Variants in DNAJC6 observed in about 807,000 individuals in gnomAD.
DNAJC6 encodes auxilin.
A neutral mutation model predicts 110.0 loss-of-function variants in DNAJC6; 34 were observed. The ratio of observed to expected loss-of-function variants is 0.31; its 90% CI spans 0.24 to 0.41. The LOEUF is 0.41. Among genes scored for constraint, DNAJC6 ranks in the 10% least tolerant of loss-of-function variants. DNAJC6 has a pLI of 1.00. For missense variants in DNAJC6, 1,031 were observed against 1,207.8 expected, an observed-to-expected ratio of 0.85 and a Z score of 2.17; for synonymous variants, 406 against 437.2, an observed-to-expected ratio of 0.93 and a Z score of 0.89.
rs1371268049 is a variant in DNAJC6 at position 65,368,772 on chromosome 1, C to CCCCTT, written c.543+2594_543+2598dup. Among the ~76,000 whole-genome samples the CCCCTT allele has an allele frequency of 7.0e-5, 8 of 114,068 alleles. No individual in the cohort carries two copies. In the East Asian group the frequency reaches 8.4e-4, roughly 12 times the overall value. The allele number at this position is 114,068 out of a possible 152,430, so 74.8% of individuals were successfully genotyped here. The stretch of plus-strand genomic sequence containing the variant: ...TCCCCTCCCTTCTCTTCCCTCCCCT[C>CCCCTT]CCCTTCCCTTCCCTTCCCTTCCAAA... On this transcript the variant is annotated intron_variant, in intron 4 of 18. Coordinates refer to ENST00000371069, the MANE Select transcript of DNAJC6 (RefSeq NM_001256864.2).
At chr1:65,405,349 C>T (rs1168503988) in intron 15 of DNAJC6, among the ~76,000 whole-genome samples, 2 of 152,198 alleles carry the variant, frequency 1.3e-5, no homozygotes, top group Non-Finnish European at 2.9e-5. Flanking sequence ...TACTCTTGGG[C>T]ACTAACCATG....
At chr1:65,280,935 C>T (rs1305312533) in intron 1 of DNAJC6, among the ~76,000 whole-genome samples, 3 of 152,044 alleles carry the variant, frequency 2.0e-5, no homozygotes, top group Non-Finnish European at 4.4e-5. Context: ...TTTCACGTTT[C>T]AAATTTTATT....
chr1:65,291,253 G>A (rs1476382210), intron 1 of DNAJC6, among the ~76,000 whole-genome samples: 2 of 152,072 alleles, frequency 1.3e-5, no homozygotes, highest in African/African-American at 4.8e-5. Context: ...GGCTGGTCTC[G>A]AACTCCTGAA....
chr1:65,333,561 C>T (rs954662902), intron 1 of DNAJC6, among the ~76,000 whole-genome samples: 1 of 152,026 alleles, frequency 6.6e-6, no homozygotes, highest in Non-Finnish European at 1.5e-5. Context: ...GTGACAGCAT[C>T]GGGATTCCAA....
chr1:65,347,462 T>G (rs978324427), intron 1 of DNAJC6, among the ~76,000 whole-genome samples: 1 of 152,082 alleles, frequency 6.6e-6, no homozygotes, highest in African/African-American at 2.4e-5. Flanking sequence ...GCCATTTGGT[T>G]TCTTTCTGAT....
At chr1:65,377,215 TG>T (rs1241593745) in intron 4 of DNAJC6, among the ~76,000 whole-genome samples, 1 of 152,236 alleles carries the variant, frequency 6.6e-6, no homozygotes, top group African/African-American at 2.4e-5. Flanking sequence ...ATCTTGAACC[TG>T]GGTTTTAAAA....
At chr1:65,366,330 A>G (rs993043874) in intron 4 of DNAJC6, 134 bp downstream of exon 4, 6 of 949,612 alleles carry the variant, frequency 6.3e-6, no homozygotes, top group Non-Finnish European at 9.4e-6. Context: ...TTCTGTTCAC[A>G]AAATATTTAT....
chr1:65,338,879 C>T lies in DNAJC6; in HGVS notation c.194-25756C>T, dbSNP rs1180753523. On this transcript the variant is annotated intron_variant, in intron 1 of 18. Coordinates refer to ENST00000371069, the MANE Select transcript of DNAJC6 (RefSeq NM_001256864.2). ...GACTGATAGAATTGAACCACCTGGC[C>T]CCGAGTGCCCTTCTTTCCATGTGGC... Among the ~76,000 whole-genome samples, 3 of 152,108 alleles carry T rather than the reference C, an allele frequency of 2.0e-5. No individual in the cohort carries two copies. The East Asian group carries it at 5.8e-4, about 29-fold the overall frequency.
At chr1:65,366,718 A>G (rs563395273) in intron 4 of DNAJC6, among the ~76,000 whole-genome samples, 1 of 152,282 alleles carries the variant, frequency 6.6e-6, no homozygotes, top group East Asian at 1.9e-4. Context: ...TCTGATATCG[A>G]GCCTGATATT....
At chr1:65,316,752 G>A (rs1645152431) in intron 1 of DNAJC6, among the ~76,000 whole-genome samples, 1 of 152,150 alleles carries the variant, frequency 6.6e-6, no homozygotes, top group East Asian at 1.9e-4. Flanking sequence ...ATTCAGTAAT[G>A]AGCATTTTTT....
At chr1:65,297,184 C>G (rs1262417629) in intron 1 of DNAJC6, among the ~76,000 whole-genome samples, 1 of 152,054 alleles carries the variant, frequency 6.6e-6, no homozygotes, top group Non-Finnish European at 1.5e-5. Flanking sequence ...CAACAAAGCT[C>G]TTTGTCTGGA....
intron 1 of DNAJC6, among the ~76,000 whole-genome samples, chr1:65,329,753 C>T (rs932565293): frequency 6.6e-6 from 1 of 152,160 alleles, no homozygotes; most frequent in African/African-American, 2.4e-5. Flanking sequence ...CCTCTAGGGA[C>T]CTGTATCCAA....
intron 1 of DNAJC6, among the ~76,000 whole-genome samples, chr1:65,265,220 C>G (rs1407811424): frequency 6.6e-6 from 1 of 152,120 alleles, no homozygotes; most frequent in East Asian, 1.9e-4. Flanking sequence ...CATAGATTTC[C>G]TTAGACTAGC....
upstream of DNAJC6, among the ~76,000 whole-genome samples, chr1:65,307,793 T>G (rs908659936): frequency 3.9e-5 from 6 of 152,182 alleles, no homozygotes; most frequent in Non-Finnish European, 8.8e-5. Flanking sequence ...ATTTGGAAAA[T>G]TGAAAGTATA....
intron 2 of DNAJC6, among the ~76,000 whole-genome samples, chr1:65,365,238 C>CT (rs1318000997): frequency 6.6e-6 from 1 of 152,048 alleles, no homozygotes; most frequent in Non-Finnish European, 1.5e-5. Flanking sequence ...TTTTTGTTTC[C>CT]TACTAGCCCT....
At chr1:65,378,905 G>T (rs1645791889) in intron 4 of DNAJC6, among the ~76,000 whole-genome samples, 1 of 152,132 alleles carries the variant, frequency 6.6e-6, no homozygotes, top group South Asian at 2.1e-4. Context: ...AATGCCAAGG[G>T]TTTCCCCTGT....
chr1:65,389,571 C>T lies in DNAJC6; in HGVS notation c.1412C>T (p.Pro471Leu), dbSNP rs1278938097. The stretch of plus-strand genomic sequence containing the variant: ...GGACAGGCTCCAATAGATATCCCTC[C>T]AGACAACCCCAGGCATTACGGACAA... ...LGGQAPIDIP[P>L]DNPRHYGQSG... Residue 471 changes from proline (P) to leucine (L), a missense_variant, in exon 11 of 19, where the codon CCA becomes CTA. Physicochemically the swap from Pro to Leu is moderately conservative, Grantham distance 98 (BLOSUM62 -3). Coordinates refer to ENST00000371069, the MANE Select transcript of DNAJC6 (RefSeq NM_001256864.2). 6.2e-7 allele frequency: 1 copy of T among 1,614,070 alleles called. No homozygotes were observed. Among genetic ancestry groups the T allele is most frequent in the Non-Finnish European group, 8.5e-7 (1 of 1,180,032 alleles).
intron 1 of DNAJC6, among the ~76,000 whole-genome samples, chr1:65,296,586 C>CTT (rs11393548): frequency 0.016 from 1,914 of 123,440 alleles, 77 homozygotes; most frequent in African/African-American, 0.036. Flanking sequence ...TTCGACACAT[C>CTT]TTTTTTTTTT....
intron 1 of DNAJC6, among the ~76,000 whole-genome samples, chr1:65,318,102 C>T (rs1311044516): frequency 6.6e-6 from 1 of 152,068 alleles, no homozygotes; most frequent in Non-Finnish European, 1.5e-5. Flanking sequence ...GGACTTTATT[C>T]TGCAGGCAGT....
Sources: allele counts gnomAD v4.1 joint callset (sites outside exome capture counted in the v4.1 genomes callset), GRCh38; gene constraint gnomAD v4.1.1; transcripts MANE v1.5; gene names NCBI Gene and HGNC (gene_info 2026-07-23, HGNC 2026-07-21).